PRDM16: variants seen among roughly 807,000 people sequenced by gnomAD.
The protein encoded by PRDM16 is PR/SET domain 16, also known as histone-lysine N-methyltransferase PRDM16.
Under a neutral mutation model 110.6 loss-of-function variants are expected in PRDM16, and 23 were observed. The ratio of observed to expected loss-of-function variants is 0.21; its 90% CI spans 0.15 to 0.29. The LOEUF is 0.29. Among genes scored for constraint, PRDM16 ranks in the 10% least tolerant of loss-of-function variants. PRDM16 has a pLI of 1.00. For missense variants in PRDM16, 1,615 were observed against 1,794.3 expected (o/e 0.90, Z 1.81); for synonymous variants, 799 against 781.8 (o/e 1.02, Z -0.37).
At chr1:3,328,916 A>G (rs1247890754) in intron 3 of PRDM16, among the ~76,000 whole-genome samples, 2 of 152,158 alleles carry the variant, frequency 1.3e-5, no homozygotes, top group Non-Finnish European at 2.9e-5. Flanking sequence ...CGTGAAGCCC[A>G]GCATCCACAG....
intron 1 of PRDM16, among the ~76,000 whole-genome samples, chr1:3,092,995 G>T (rs570331577): frequency 1.3e-5 from 2 of 152,128 alleles, no homozygotes; most frequent in African/African-American, 4.8e-5. Context: ...CCGAGGTGGC[G>T]TCCCACCTCT....
chr1:3,394,780 C>T (rs1643360595), intron 4 of PRDM16, among the ~76,000 whole-genome samples: 1 of 152,186 alleles, frequency 6.6e-6, no homozygotes, highest in Non-Finnish European at 1.5e-5. Flanking sequence ...GCACTTTGGG[C>T]CCGATTTTCT....
chr1:3,322,205 G>A (rs1326089591), intron 3 of PRDM16, among the ~76,000 whole-genome samples: 8 of 145,752 alleles, frequency 5.5e-5, no homozygotes, highest in Admixed American at 1.3e-4. Context: ...GGGTGTGCAC[G>A]TGTGTGTGTG....
intron 3 of PRDM16, among the ~76,000 whole-genome samples, chr1:3,252,301 T>TG (rs956080191): frequency 6.6e-6 from 1 of 152,108 alleles, no homozygotes; most frequent in Non-Finnish European, 1.5e-5. Context: ...GTGCGGGCAT[T>TG]GGGGGGCTGG....
At chr1:3,106,151 T>C (rs2993496) in intron 1 of PRDM16, among the ~76,000 whole-genome samples, 59,247 of 142,936 alleles carry the variant, frequency 0.41, 12,041 homozygotes, top group South Asian at 0.57. Flanking sequence ...CCTGGCAGGG[T>C]GGGCGGGGTA....
At chr1:3,225,573 T>TGTGTGCGC (rs1336272072) in intron 2 of PRDM16, among the ~76,000 whole-genome samples, 45 of 129,900 alleles carry the variant, frequency 3.5e-4, no homozygotes, top group African/African-American at 1.1e-3. Context: ...TGTGTGTGTG[T>TGTGTGCGC]GCGCGCGCGC....
chr1:3,286,659 ACCC>A (rs145766582), intron 3 of PRDM16, among the ~76,000 whole-genome samples: 2,604 of 151,832 alleles, frequency 0.017, 79 homozygotes, highest in African/African-American at 0.06. Flanking sequence ...AGCCTTCTGC[ACCC>A]CCAAGTTCCT....
chr1:3,329,043 C>T (rs1335853856), intron 3 of PRDM16, among the ~76,000 whole-genome samples: 1 of 152,162 alleles, frequency 6.6e-6, no homozygotes, highest in Admixed American at 6.5e-5. Context: ...GAATGGGCGC[C>T]TTCTCCCTGG....
intron 3 of PRDM16, among the ~76,000 whole-genome samples, chr1:3,347,965 G>A (rs928776439): frequency 6.6e-6 from 1 of 152,058 alleles, no homozygotes; most frequent in Non-Finnish European, 1.5e-5. Flanking sequence ...ACTGAGTTCC[G>A]TGAGCCTCTG....
chr1:3,430,527 T>G (rs1638736094), intron 14 of PRDM16, among the ~76,000 whole-genome samples: 1 of 152,194 alleles, frequency 6.6e-6, no homozygotes, highest in Admixed American at 6.5e-5. Context: ...CCAACCCCCG[T>G]GCCAGTGCAG....
At chr1:3,070,528 C>T (rs12752038) in intron 1 of PRDM16, among the ~76,000 whole-genome samples, 2 of 150,024 alleles carry the variant, frequency 1.3e-5, no homozygotes, top group Non-Finnish European at 3.0e-5. Context: ...GCCCCCTCCT[C>T]TGCAGGCCGC....
chr1:3,282,557 A>G (rs61759190), intron 3 of PRDM16, among the ~76,000 whole-genome samples: 9,146 of 152,170 alleles, frequency 0.06, 361 homozygotes, highest in Non-Finnish European at 0.094. Context: ...ACCACGATTC[A>G]ATCCACCTGA....
intron 4 of PRDM16, among the ~76,000 whole-genome samples, chr1:3,393,795 G>C (rs767241345): frequency 2.6e-4 from 40 of 152,344 alleles, no homozygotes; most frequent in Non-Finnish European, 3.7e-4. Flanking sequence ...AAGTTTGCGC[G>C]GATTCCCGTT....
intron 2 of PRDM16, among the ~76,000 whole-genome samples, chr1:3,212,075 G>A (rs571526888): frequency 8.5e-4 from 130 of 152,252 alleles, no homozygotes; most frequent in African/African-American, 2.9e-3. Context: ...CAAGGCTCCC[G>A]GGGACCCTGC....
intron 2 of PRDM16, among the ~76,000 whole-genome samples, chr1:3,193,794 G>A (rs1413703681): frequency 6.6e-6 from 1 of 152,188 alleles, no homozygotes; most frequent in Admixed American, 6.5e-5. Flanking sequence ...AGTCCTTCCC[G>A]GGTGCCTGAG....
intron 1 of PRDM16, among the ~76,000 whole-genome samples, chr1:3,151,237 T>C (rs1399275569): frequency 6.6e-6 from 1 of 152,186 alleles, no homozygotes; most frequent in African/African-American, 2.4e-5. Context: ...TGTACCCCCA[T>C]CTGGTCTAGA....
chr1:3,176,331 C>T (rs1644089916), intron 1 of PRDM16, among the ~76,000 whole-genome samples: 1 of 151,912 alleles, frequency 6.6e-6, no homozygotes. Context: ...TCCATCCATC[C>T]CTCCATCCAT....
At chr1:3,295,944 C>T (rs1431457142) in intron 3 of PRDM16, among the ~76,000 whole-genome samples, 2 of 151,988 alleles carry the variant, frequency 1.3e-5, no homozygotes. Context: ...CAGGACCTGC[C>T]CTCCCCAATC....
chr1:3,240,066 G>GAGA (rs1491460438), intron 2 of PRDM16, among the ~76,000 whole-genome samples: 10 of 67,870 alleles, frequency 1.5e-4, no homozygotes, highest in Admixed American at 3.9e-4. Flanking sequence ...AAGAGGAGAG[G>GAGA]AGAGGAGAGG....
Sources: allele counts gnomAD v4.1 joint callset (sites outside exome capture counted in the v4.1 genomes callset), GRCh38; gene constraint gnomAD v4.1.1; transcripts MANE v1.5; gene names NCBI Gene and HGNC (gene_info 2026-07-23, HGNC 2026-07-21).